BAG1: variants seen among roughly 807,000 people sequenced by gnomAD.
BAG1 encodes BAG family molecular chaperone regulator 1.
BAG1 carries 35 observed loss-of-function variants against 35.5 expected under a neutral mutation model. The ratio of observed to expected loss-of-function variants is 0.99; its 90% CI spans 0.75 to 1.31. BAG1 has a LOEUF of 1.31. Among genes scored for constraint, BAG1 ranks in the 50% most tolerant of loss-of-function variants. BAG1 has a pLI of 0.00. For missense variants in BAG1, 464 were observed against 453.6 expected (o/e 1.02, Z -0.21); for synonymous variants, 191 against 178.9 (o/e 1.07, Z -0.54).
chr9:33,259,526 T>G (rs752622948), intron 3 of BAG1: 25 of 154,492 alleles, frequency 1.6e-4, no homozygotes, highest in Non-Finnish European at 3.3e-4. Flanking sequence ...GTTTTCCATC[T>G]ACAAAGACTC....
At chr9:33,255,499 A>T (rs1251107446) in intron 6 of BAG1, among the ~76,000 whole-genome samples, 191 bp from the exon 7 acceptor site, 2 of 152,236 alleles carry the variant, frequency 1.3e-5, no homozygotes, top group Non-Finnish European at 2.9e-5. Flanking sequence ...CAGCATTCTG[A>T]CCATGCTCTA....
At chr9:33,257,101 T>A (rs921472505) in intron 4 of BAG1, 193 bp from the exon 5 acceptor site, 21 of 561,714 alleles carry the variant, frequency 3.7e-5, no homozygotes, top group Non-Finnish European at 6.3e-5. Flanking sequence ...TTCTATCAGG[T>A]TGCAGTCTGC....
Position 33,254,991 on chromosome 9 carries a change from G to A in BAG1, c.*228C>T, listed in dbSNP as rs374710926. 6.8e-7 allele frequency: 1 copy of A among 1,478,734 alleles called. No homozygotes were observed. The highest frequency in any genetic ancestry group is 9.1e-7 in the Non-Finnish European group (1 of 1,102,592). 91.6% of individuals were successfully genotyped at this position (1,478,734 alleles called of 1,614,324 possible). ...AGAGGTGGCCCTCTCCAGAAAAGGTGGATTGCTGGACAGTACAACCACAGA... is the reference window on the plus strand; with the variant it reads ...AGAGGTGGCCCTCTCCAGAAAAGGTAGATTGCTGGACAGTACAACCACAGA... On this transcript the variant is annotated 3_prime_UTR_variant, in exon 7 of 7. Coordinates refer to ENST00000634734, the MANE Select transcript of BAG1 (RefSeq NM_004323.6).
intron 1 of BAG1, among the ~76,000 whole-genome samples, chr9:33,264,007 A>G (rs1397606734): frequency 6.6e-6 from 1 of 152,204 alleles, no homozygotes; most frequent in Non-Finnish European, 1.5e-5. Flanking sequence ...CCAGGATCGC[A>G]CAAATGACCA....
chr9:33,263,276 G>C (rs1212842778), intron 1 of BAG1, among the ~76,000 whole-genome samples: 1 of 152,162 alleles, frequency 6.6e-6, no homozygotes, highest in African/African-American at 2.4e-5. Context: ...TGGCTTGACT[G>C]CCCTGTACCC....
rs891323642 is a variant in BAG1, at chr9:33,264,628, C to A, written c.47G>T (p.Arg16Leu). The A allele has an allele frequency of 7.4e-6, 10 of 1,349,814 alleles. No homozygotes were observed. In the South Asian group the frequency reaches 1.5e-4, roughly 20 times the overall value. 83.6% of individuals were successfully genotyped at this position (1,349,814 alleles called of 1,614,324 possible). ...AAGGGCGCGCAGCCGGGAACCCAGC[C>A]GCTCCCGGTCGCCTCGCGGTCTCCG... The change falls in exon 1 of 7, where the codon CGG (arginine) becomes CTG (leucine). Residue 16 changes from arginine (R) to leucine (L), a missense_variant. Physicochemically the swap from Arg to Leu is moderately radical, Grantham distance 102 (BLOSUM62 -2). Transcript: ENST00000634734.
At position 33,264,525 on chromosome 9, in the gene BAG1, C is replaced by A; in HGVS notation, c.150G>T (p.Arg50=). Reference sequence around the variant, plus strand: ...GTCGGTCATGCCCGCTGGCAGTACTCCGGGCAGGTGGACGCCCAGAGGGAG... The same window carrying A: ...GTCGGTCATGCCCGCTGGCAGTACTACGGGCAGGTGGACGCCCAGAGGGAG... The change falls in exon 1 of 7, where the codon CGG becomes CGT. Residue 50 remains arginine (R), a synonymous_variant. Coordinates refer to ENST00000634734, the MANE Select transcript of BAG1 (RefSeq NM_004323.6). 1 of 1,585,494 alleles carries A rather than the reference C, an allele frequency of 6.3e-7. No individual in the cohort carries two copies. The highest frequency in any genetic ancestry group is 8.6e-7 in the Non-Finnish European group (1 of 1,168,872).
intron 4 of BAG1, chr9:33,257,244 C>T (rs1820475306): frequency 9.1e-6 from 2 of 220,688 alleles, no homozygotes; most frequent in Non-Finnish European, 1.8e-5. Context: ...TGAAAACTGA[C>T]TGCCATTTAC....
At chr9:33,256,607 T>C (rs1420810528) in intron 5 of BAG1, among the ~76,000 whole-genome samples, 194 bp downstream of exon 5, 2 of 152,198 alleles carry the variant, frequency 1.3e-5, no homozygotes, top group African/African-American at 4.8e-5. Flanking sequence ...TGTGAGTGCC[T>C]AGAAAGCAGG....
At chr9:33,258,519 C>T (rs912713890) in intron 4 of BAG1, among the ~76,000 whole-genome samples, 2 of 152,062 alleles carry the variant, frequency 1.3e-5, no homozygotes, top group African/African-American at 4.8e-5. Flanking sequence ...TGTTATTTGC[C>T]TTGCCAAACA....
At chr9:33,256,686 A>C (rs1820459760) in intron 5 of BAG1, 115 bp downstream of exon 5, 1 of 821,888 alleles carries the variant, frequency 1.2e-6, no homozygotes, top group African/African-American at 1.7e-5. Flanking sequence ...TAGATGCTTA[A>C]TATTCTCAAG....
chr9:33,259,481 C>T (rs1027447359), intron 3 of BAG1: 1 of 153,076 alleles, frequency 6.5e-6, no homozygotes, highest in Non-Finnish European at 1.5e-5. Flanking sequence ...AACTCTGTTG[C>T]TTCTTGGAAA....
chr9:33,263,692 A>G (rs536374914), intron 1 of BAG1, among the ~76,000 whole-genome samples: 5 of 152,202 alleles, frequency 3.3e-5, no homozygotes, highest in African/African-American at 9.6e-5. Context: ...TTCTAGAGAA[A>G]CCTCATGGAC....
rs1372390996 is a variant in BAG1 at position 33,253,170 on chromosome 9, AG to A, written c.*2048del. On this transcript the variant is annotated 3_prime_UTR_variant, in exon 7 of 7. Coordinates refer to ENST00000634734, the MANE Select transcript of BAG1 (RefSeq NM_004323.6). The stretch of plus-strand genomic sequence containing the variant: ...AGAGCAGAGAGGAAGTGGGAGCTAG[AG>A]GGAGAGGCAGAGGACAAGAGGAAAA... 1 of 152,296 alleles carries A rather than the reference AG, an allele frequency of 6.6e-6. No individual in the cohort carries two copies. The highest frequency in any genetic ancestry group is 1.9e-4 in the East Asian group (1 of 5,200). 9.4% of individuals were successfully genotyped at this position (152,296 alleles called of 1,614,324 possible). A position where few individuals can be genotyped will look rare whatever the true frequency, so the allele number is the denominator to read the frequency against.
At position 33,264,428 on chromosome 9, in the gene BAG1, TCCGGGTCGAGCGGCG is replaced by T. The variant is rs759205636; in HGVS notation, c.232_246del (p.Arg78_Arg82del). On this transcript the variant is annotated inframe_deletion, in exon 1 of 7. Coordinates refer to ENST00000634734, the MANE Select transcript of BAG1 (RefSeq NM_004323.6). ...TCCTCGCTCCGGGTCAACTCCTCGC[TCCGGGTCGAGCGGCG>T]CCGGGTTTTCTTCTTCATCCGCGGC... 1 of 1,611,662 alleles carries T rather than the reference TCCGGGTCGAGCGGCG, an allele frequency of 6.2e-7. No homozygotes were observed. The highest frequency in any genetic ancestry group is 1.7e-5 in the Admixed American group (1 of 59,022).
rs760881131 is a variant in BAG1, at chr9:33,255,902, C to T, written c.911G>A (p.Ser304Asn). The T allele has an allele frequency of 1.2e-6, 2 of 1,614,042 alleles. No homozygotes were observed. The highest frequency in any genetic ancestry group is 1.7e-5 in the Admixed American group (1 of 60,032). Residue 304 changes from serine to asparagine, a missense_variant, in exon 6 of 7, where the codon AGT (serine) becomes AAT (asparagine). Ser to Asn is a conservative substitution (Grantham distance 46). Transcript: ENST00000634734. ...TACCAAGCCTTTCCTTTTCAATCTA[C>T]TGTCTTTGAAATTTTCTGGCAGGAT...
Position 33,264,318 on chromosome 9 carries a change from G to A in BAG1, c.357C>T (p.Ser119=). ...ACTCCTCGTCCCGGGTCACCTCCTG[G>A]CTCCGATTCATCTCTTCGCCCTGGG... The change falls in exon 1 of 7, where the codon AGC becomes AGT. Residue 119 remains serine, a synonymous_variant. Coordinates refer to ENST00000634734, the MANE Select transcript of BAG1 (RefSeq NM_004323.6). 6.2e-7 allele frequency: 1 copy of A among 1,611,732 alleles called. No homozygotes were observed. Among genetic ancestry groups the A allele is most frequent in the Non-Finnish European group, 8.5e-7 (1 of 1,179,288 alleles).
chr9:33,264,601 C>T lies in BAG1; in HGVS notation c.74G>A (p.Arg25Gln). Residue 25 changes from arginine to glutamine, a missense_variant, in exon 1 of 7, where the codon CGG becomes CAG. Physicochemically the swap from Arg to Gln is conservative, Grantham distance 43. Transcript: ENST00000634734. Reference sequence around the variant, plus strand: ...CGACTGGCGCGGCTCCCGGCCTGGCCGAAGGGCGCGCAGCCGGGAACCCAG... The same window carrying T: ...CGACTGGCGCGGCTCCCGGCCTGGCTGAAGGGCGCGCAGCCGGGAACCCAG... 1.5e-6 allele frequency: 2 copies of T among 1,378,976 alleles called. No individual in the cohort carries two copies. Among genetic ancestry groups the T allele is most frequent in the South Asian group, 1.7e-5 (1 of 59,248 alleles). 85.4% of individuals were successfully genotyped at this position (1,378,976 alleles called of 1,614,324 possible). A position where few individuals can be genotyped will look rare whatever the true frequency, so the allele number is the denominator to read the frequency against.
At chr9:33,262,390 C>T (rs1380978589) in intron 2 of BAG1, 1 of 1,088,754 alleles carries the variant, frequency 9.2e-7, no homozygotes, top group African/African-American at 1.6e-5. Context: ...GGTGCAGTGG[C>T]TCACACCTGT....
Sources: allele counts gnomAD v4.1 joint callset (sites outside exome capture counted in the v4.1 genomes callset), GRCh38; gene constraint gnomAD v4.1.1; transcripts MANE v1.5; gene names NCBI Gene and HGNC (gene_info 2026-07-23, HGNC 2026-07-21).